The following SCAPER variants were observed in gnomAD, a reference collection of about 807,000 sequenced individuals.
SCAPER encodes the protein S phase cyclin A-associated protein in the endoplasmic reticulum.
Under a neutral mutation model 182.2 loss-of-function variants are expected in SCAPER, and 98 were observed. That is an observed-to-expected ratio of 0.54 (90% CI 0.46 to 0.64). SCAPER has a LOEUF of 0.64. SCAPER is among the 30% of genes least tolerant of loss of function. SCAPER has a pLI of 0.00. For synonymous variants in SCAPER, 605 were observed against 564.6 expected (o/e 1.07, Z -1.01); for missense variants, 1,432 against 1,690.0 (o/e 0.85, Z 2.68).
Position 76,682,166 on chromosome 15 carries a change from C to T in SCAPER, c.2509-16377G>A, listed in dbSNP as rs117502867. Among the ~76,000 whole-genome samples the T allele has an allele frequency of 9.6e-3, 1,465 of 152,204 alleles. 17 individuals carry two copies. Among genetic ancestry groups the T allele is most frequent in the Non-Finnish European group, 0.016 (1,101 of 67,996 alleles). ...GCCCTGTGGAAATGTACCAGCCTAC[C>T]GACAACCTTCCCCAGGCACTTTGCC... On this transcript the variant is annotated intron_variant, in intron 20 of 31. Transcript: ENST00000563290.
intron 22 of SCAPER, among the ~76,000 whole-genome samples, chr15:76,576,319 A>G (rs2047816858): frequency 6.6e-6 from 1 of 152,178 alleles, no homozygotes; most frequent in Non-Finnish European, 1.5e-5. Flanking sequence ...AGCTTACAAC[A>G]CTGCGCTTCA....
intron 17 of SCAPER, among the ~76,000 whole-genome samples, chr15:76,719,394 G>C (rs1388927378): frequency 2.0e-5 from 3 of 152,234 alleles, no homozygotes; most frequent in African/African-American, 7.2e-5. Context: ...TGCATAAGAG[G>C]GAGAGGGCAG....
At chr15:76,457,177 C>T (rs1165446067) in intron 25 of SCAPER, among the ~76,000 whole-genome samples, 1 of 152,076 alleles carries the variant, frequency 6.6e-6, no homozygotes, top group Non-Finnish European at 1.5e-5. Flanking sequence ...ATTCTCCTGC[C>T]TCGGCCTCCC....
At chr15:76,486,255 A>G (rs541957541) in intron 24 of SCAPER, among the ~76,000 whole-genome samples, 45 of 152,056 alleles carry the variant, frequency 3.0e-4, no homozygotes, top group Non-Finnish European at 4.1e-4. Context: ...AAAAACTATA[A>G]AGAACTCTGG....
At chr15:76,357,516 T>TA (rs2041073915) in intron 29 of SCAPER, among the ~76,000 whole-genome samples, 1 of 152,236 alleles carries the variant, frequency 6.6e-6, no homozygotes, top group South Asian at 2.1e-4. Context: ...GGTGGGAATG[T>TA]AAATTAGTAC....
chr15:76,378,857 G>A (rs2042745988), intron 28 of SCAPER, among the ~76,000 whole-genome samples: 1 of 152,166 alleles, frequency 6.6e-6, no homozygotes, highest in African/African-American at 2.4e-5. Context: ...AGTAGTAGAT[G>A]CTCTGGCCAC....
chr15:76,675,660 T>C (rs911801606), intron 20 of SCAPER, among the ~76,000 whole-genome samples: 6 of 152,176 alleles, frequency 3.9e-5, no homozygotes, highest in African/African-American at 1.4e-4. Context: ...CATAGCCAAA[T>C]CTGCCATGAT....
At chr15:76,566,222 C>T (rs910253404) in intron 23 of SCAPER, among the ~76,000 whole-genome samples, 1 of 152,112 alleles carries the variant, frequency 6.6e-6, no homozygotes, top group African/African-American at 2.4e-5. Context: ...ACCTTTCTAC[C>T]TTATACAGGT....
At chr15:76,578,458 A>G (rs1226695244) in intron 22 of SCAPER, among the ~76,000 whole-genome samples, 2 of 152,226 alleles carry the variant, frequency 1.3e-5, no homozygotes, top group Admixed American at 1.3e-4. Flanking sequence ...TGGGGGCTAC[A>G]GGGGTGCTTG....
At chr15:76,874,466 CAT>C (rs1409331840) in intron 2 of SCAPER, among the ~76,000 whole-genome samples, 2 of 151,244 alleles carry the variant, frequency 1.3e-5, no homozygotes, top group Non-Finnish European at 2.9e-5. Flanking sequence ...ACAAGACCAA[CAT>C]GTGATACAGA....
chr15:76,415,490 T>C (rs1282080523), intron 26 of SCAPER, among the ~76,000 whole-genome samples: 1 of 152,098 alleles, frequency 6.6e-6, no homozygotes, highest in Non-Finnish European at 1.5e-5. Context: ...ATGGATAAAT[T>C]TGGGAATTTA....
intron 17 of SCAPER, among the ~76,000 whole-genome samples, chr15:76,708,202 G>C (rs764614846): frequency 6.8e-4 from 103 of 152,018 alleles, no homozygotes; most frequent in Non-Finnish European, 5.3e-4. Context: ...AATACAATAT[G>C]AATGTTATAC....
intron 23 of SCAPER, among the ~76,000 whole-genome samples, chr15:76,527,201 A>C (rs1015927188): frequency 6.6e-6 from 1 of 152,174 alleles, no homozygotes; most frequent in African/African-American, 2.4e-5. Flanking sequence ...AATTAATTTC[A>C]CCTATAATTT....
intron 27 of SCAPER, among the ~76,000 whole-genome samples, chr15:76,393,791 G>C (rs1357799067): frequency 1.3e-5 from 2 of 152,202 alleles, no homozygotes; most frequent in South Asian, 2.1e-4. Context: ...TCACTGCCAG[G>C]ATGCTTGTTC....
intron 25 of SCAPER, among the ~76,000 whole-genome samples, chr15:76,457,884 G>T (rs1347339287): frequency 6.6e-6 from 1 of 151,946 alleles, no homozygotes; most frequent in Non-Finnish European, 1.5e-5. Context: ...CCTGAAGATA[G>T]AAATTTTCAC....
rs1000035026 is a variant in SCAPER at position 76,602,150 on chromosome 15, G to A, written c.2711+19614C>T. Among the ~76,000 whole-genome samples the A allele has an allele frequency of 7.6e-5, 9 of 118,106 alleles. 1 individual carries two copies. The Admixed American group carries it at 8.7e-4, about 11-fold the overall frequency. 77.5% of individuals were successfully genotyped at this position (118,106 alleles called of 152,430 possible). On this transcript the variant is annotated intron_variant, in intron 22 of 31. Coordinates refer to ENST00000563290, the MANE Select transcript of SCAPER (RefSeq NM_020843.4). ...TTGCTATTATTATTTTGAACAAACT[G>A]TTATCTGTTAAATTAACAATAAGAA... is the stretch of plus-strand genomic sequence containing the variant.
At chr15:76,660,607 C>T (rs1384655131) in intron 21 of SCAPER, among the ~76,000 whole-genome samples, 1 of 151,910 alleles carries the variant, frequency 6.6e-6, no homozygotes, top group Non-Finnish European at 1.5e-5. Context: ...TGATAAAGGA[C>T]ATCTAAAAAA....
At chr15:76,419,221 C>A (rs1278957564) in intron 26 of SCAPER, among the ~76,000 whole-genome samples, 1 of 151,956 alleles carries the variant, frequency 6.6e-6, no homozygotes, top group Non-Finnish European at 1.5e-5. Context: ...CCCTAGGACC[C>A]ACCTACAGGT....
chr15:76,477,911 A>G (rs548206414), intron 24 of SCAPER, among the ~76,000 whole-genome samples: 2 of 151,468 alleles, frequency 1.3e-5, no homozygotes, highest in African/African-American at 4.8e-5. Context: ...TTTAAAAATA[A>G]CTTTTCCAGT....
Sources: gnomAD v4.1 joint callset for allele counts (sites outside exome capture counted in the v4.1 genomes callset) on GRCh38, gnomAD v4.1.1 for gene constraint, MANE v1.5 for transcripts, NCBI Gene and HGNC (gene_info 2026-07-23, HGNC 2026-07-21) for gene names.